ZNF80: variants seen among roughly 807,000 people sequenced by gnomAD.
ZNF80 encodes the protein ZNFPT17.
For missense variants in ZNF80, 394 were observed against 334.1 expected, an observed-to-expected ratio of 1.18 and a Z score of -1.40; for synonymous variants, 132 against 119.4, an observed-to-expected ratio of 1.11 and a Z score of -0.69.
chr3:114,236,730 G>A lies in ZNF80; in HGVS notation c.345C>T (p.Asn115=), dbSNP rs777695922. ...CKCVECGKVF[N]RRSHLLCYRQ... ...GGTAGCACAGGAGGTGCGACCTGCG[G>A]TTGAAGACCTTCCCGCACTCCACGC... The change falls in exon 1 of 1, where the codon AAC becomes AAT. Residue 115 remains asparagine (N), a synonymous_variant. Transcript: ENST00000482457. 5 of 1,614,202 alleles carry A rather than the reference G, an allele frequency of 3.1e-6. No homozygotes were observed. In the East Asian group the frequency reaches 6.7e-5, roughly 22 times the overall value.
Position 114,235,162 on chromosome 3 carries a change from T to C in ZNF80, c.*1091A>G, listed in dbSNP as rs1258108882. Reference sequence around the variant, plus strand: ...TTTCTGAGTTTCTCATTAGATTAGATAAGCTGTGTTTTGTTTTGTTTGTCT... The same window carrying C: ...TTTCTGAGTTTCTCATTAGATTAGACAAGCTGTGTTTTGTTTTGTTTGTCT... On this transcript the variant is annotated 3_prime_UTR_variant, in exon 1 of 1. Coordinates refer to ENST00000482457, the MANE Select transcript of ZNF80 (RefSeq NM_007136.4). 6.6e-6 allele frequency: 1 copy of C among 152,252 alleles called. No individual in the cohort carries two copies. Among genetic ancestry groups the C allele is most frequent in the African/African-American group, 2.4e-5 (1 of 41,466 alleles). 9.4% of individuals were successfully genotyped at this position (152,252 alleles called of 1,614,324 possible).
In ZNF80 at chr3:114,236,628, G is replaced by T. The variant is rs2078203852; in HGVS notation, c.447C>A (p.Ile149=). The T allele has an allele frequency of 6.2e-7, 1 of 1,614,052 alleles. No homozygotes were observed. The highest frequency in any genetic ancestry group is 1.3e-5 in the African/African-American group (1 of 74,936). The change falls in exon 1 of 1, where the codon ATC becomes ATA. Residue 149 remains isoleucine (I), a synonymous_variant. Transcript: ENST00000482457. ...CTCCAGTGTGGGTCACACGATGCTG[G>T]ATGAAGACAGAGTGATAGCTGAAGG... ...GKTFSYHSVF[I]QHRVTHTGEK...
chr3:114,236,907 G>A lies in ZNF80; in HGVS notation c.168C>T (p.Ser56=). ...GKTYKCKECG[S]VFNKNSLLVR... ...CAAGGAGGCTGTTTTTGTTAAACAC[G>A]CTCCCACATTCCTTGCATTTGTAGG... Residue 56 remains serine (S), a synonymous_variant, in exon 1 of 1, where the codon AGC becomes AGT. Coordinates refer to ENST00000482457, the MANE Select transcript of ZNF80 (RefSeq NM_007136.4). 6.2e-7 allele frequency: 1 copy of A among 1,614,148 alleles called. No individual in the cohort carries two copies. The highest frequency in any genetic ancestry group is 8.5e-7 in the Non-Finnish European group (1 of 1,180,018).
rs143414946 is a variant in ZNF80, at chr3:114,236,776, G to C, written c.299C>G (p.Thr100Arg). Residue 100 changes from threonine (T) to arginine (R), a missense_variant, in exon 1 of 1, where the codon ACA becomes AGA. Transcript: ENST00000482457. Reference sequence around the variant, plus strand: ...CACGCACTTACAGGGCTTCTCCCCTGTGTGAATCCTCATGGGTCGAACGAA... The same window carrying C: ...CACGCACTTACAGGGCTTCTCCCCTCTGTGAATCCTCATGGGTCGAACGAA... ...VDFVRPMRIH[T>R]GEKPCKCVEC... The C allele has an allele frequency of 6.2e-7, 1 of 1,614,132 alleles. No homozygotes were observed. The highest frequency in any genetic ancestry group is 1.7e-5 in the Admixed American group (1 of 60,014).
rs1003627284 is a variant in ZNF80 at position 114,235,613 on chromosome 3, A to C, written c.*640T>G. 6.6e-6 allele frequency: 1 copy of C among 152,284 alleles called. No individual in the cohort carries two copies. Among genetic ancestry groups the C allele is most frequent in the African/African-American group, 2.4e-5 (1 of 41,482 alleles). The allele number at this position is 152,284 out of a possible 1,614,324, so 9.4% of individuals were successfully genotyped here. On this transcript the variant is annotated 3_prime_UTR_variant, in exon 1 of 1. Coordinates refer to ENST00000482457, the MANE Select transcript of ZNF80 (RefSeq NM_007136.4). The stretch of plus-strand genomic sequence containing the variant: ...TCAGGAGTACAATGTTTTAGAACAA[A>C]GAATGCATTCAATAAATCTTTACAG...
In ZNF80 at chr3:114,237,038, C is replaced by T. The variant is rs1560017516; in HGVS notation, c.37G>A (p.Gly13Ser). ...TCCTGTAAAACCTGTGAGTGCAGACCATCACCTGTCCCCAACCCATCGCGT... is the reference window on the plus strand; with the variant it reads ...TCCTGTAAAACCTGTGAGTGCAGACTATCACCTGTCCCCAACCCATCGCGT... ...PKRDGLGTGD[G>S]LHSQVLQEQV... Residue 13 changes from glycine to serine, a missense_variant, in exon 1 of 1, where the codon GGT becomes AGT. Physicochemically the swap from Gly to Ser is moderately conservative, Grantham distance 56. Coordinates refer to ENST00000482457, the MANE Select transcript of ZNF80 (RefSeq NM_007136.4). 6.2e-7 allele frequency: 1 copy of T among 1,610,464 alleles called. No homozygotes were observed.
Position 114,236,731 on chromosome 3 carries a change from T to C in ZNF80, c.344A>G (p.Asn115Ser). ...GTAGCACAGGAGGTGCGACCTGCGG[T>C]TGAAGACCTTCCCGCACTCCACGCA... ...CKCVECGKVF[N>S]RRSHLLCYRQ... The change falls in exon 1 of 1, where the codon AAC (asparagine) becomes AGC (serine). Residue 115 changes from asparagine (N) to serine (S), a missense_variant. Transcript: ENST00000482457. 1 of 1,613,212 alleles carries C rather than the reference T, an allele frequency of 6.2e-7. No homozygotes were observed. Among genetic ancestry groups the C allele is most frequent in the Admixed American group, 1.7e-5 (1 of 59,954 alleles).
At position 114,235,088 on chromosome 3, in the gene ZNF80, G is replaced by C. The variant is rs2078195692; in HGVS notation, c.*1165C>G. 1 of 152,124 alleles carries C rather than the reference G, an allele frequency of 6.6e-6. No homozygotes were observed. The highest frequency in any genetic ancestry group is 2.4e-5 in the African/African-American group (1 of 41,408). 9.4% of individuals were successfully genotyped at this position (152,124 alleles called of 1,614,324 possible). ...TCTAGAATTGAATTAACATGTCAAA[G>C]GATCTACATGTTTTATATTTTAATA... On this transcript the variant is annotated 3_prime_UTR_variant, in exon 1 of 1. Coordinates refer to ENST00000482457, the MANE Select transcript of ZNF80 (RefSeq NM_007136.4).
rs200692814 is a variant in ZNF80 at position 114,235,843 on chromosome 3, T to TA, written c.*409dup. The TA allele has an allele frequency of 0.013, 1,926 of 149,888 alleles. 29 individuals carry two copies. The highest frequency in any genetic ancestry group is 0.039 in the African/African-American group (1,587 of 40,410). The allele number at this position is 149,888 out of a possible 1,614,324, so 9.3% of individuals were successfully genotyped here. ...TCTCTTTTACAGTTCCCTTCTTACT[T>TA]AAAAAAAAAAAATCCTGAAGTGGCT... is the stretch of plus-strand genomic sequence containing the variant. On this transcript the variant is annotated 3_prime_UTR_variant, in exon 1 of 1. Transcript: ENST00000482457.
At position 114,236,174 on chromosome 3, in the gene ZNF80, T is replaced by G; in HGVS notation, c.*79A>C. The G allele has an allele frequency of 9.5e-7, 1 of 1,052,244 alleles. No homozygotes were observed. Among genetic ancestry groups the G allele is most frequent in the Non-Finnish European group, 1.4e-6 (1 of 725,452 alleles). 65.2% of individuals were successfully genotyped at this position (1,052,244 alleles called of 1,614,324 possible). On this transcript the variant is annotated 3_prime_UTR_variant, in exon 1 of 1. Coordinates refer to ENST00000482457, the MANE Select transcript of ZNF80 (RefSeq NM_007136.4). ...TTTCCTACTGCCACTGAATTCAGAG[T>G]GCTTCTCCTCAGTGTGGCTCTCTAT...
Position 114,236,652 on chromosome 3 carries a change from G to T in ZNF80, c.423C>A (p.Thr141=), listed in dbSNP as rs1221700215. The T allele has an allele frequency of 6.2e-7, 1 of 1,614,032 alleles. No individual in the cohort carries two copies. Among genetic ancestry groups the T allele is most frequent in the Admixed American group, 1.7e-5 (1 of 60,002 alleles). The change falls in exon 1 of 1, where the codon ACC becomes ACA. Residue 141 remains threonine (T), a synonymous_variant. Transcript: ENST00000482457. ...KPYECSECGK[T]FSYHSVFIQH... is the part of the protein sequence containing the mutation. ...GGATGAAGACAGAGTGATAGCTGAA[G>T]GTCTTTCCACACTCGCTGCACTCAT...
In ZNF80 at chr3:114,235,581, ACATTCC is replaced by A. The variant is rs2078197882; in HGVS notation, c.*666_*671del. 6.6e-6 allele frequency: 1 copy of A among 152,248 alleles called. No homozygotes were observed. The highest frequency in any genetic ancestry group is 2.1e-4 in the South Asian group (1 of 4,830). The allele number at this position is 152,248 out of a possible 1,614,324, so 9.4% of individuals were successfully genotyped here. ...GCGTTCATATTTCTCACAAAGACTT[ACATTCC>A]TCAGGAGTACAATGTTTTAGAACAA... On this transcript the variant is annotated 3_prime_UTR_variant, in exon 1 of 1. Coordinates refer to ENST00000482457, the MANE Select transcript of ZNF80 (RefSeq NM_007136.4).
Position 114,235,241 on chromosome 3 carries a change from C to T in ZNF80, c.*1012G>A, listed in dbSNP as rs2078196465. ...GTGACATGCTCTTGGAGAAGCCCCT[C>T]TTACAGAAGGCCAAAGAAGCTGAGA... On this transcript the variant is annotated 3_prime_UTR_variant, in exon 1 of 1. Coordinates refer to ENST00000482457, the MANE Select transcript of ZNF80 (RefSeq NM_007136.4). 1 of 152,184 alleles carries T rather than the reference C, an allele frequency of 6.6e-6. No individual in the cohort carries two copies. The highest frequency in any genetic ancestry group is 6.5e-5 in the Admixed American group (1 of 15,280). The allele number at this position is 152,184 out of a possible 1,614,324, so 9.4% of individuals were successfully genotyped here. A position where few individuals can be genotyped will look rare whatever the true frequency, so the allele number is the denominator to read the frequency against.
exon 1 of ZNF80, chr3:114,236,279 T>TCTTA: frequency 6.2e-7 from 1 of 1,605,698 alleles, no homozygotes; most frequent in Non-Finnish European, 8.5e-7. Flanking sequence ...CCAGAGTGGA[T>TCTTA]CTTACTCTGT....
rs562682553 is a variant in ZNF80, at chr3:114,235,445, A to T, written c.*808T>A. 68 of 152,380 alleles carry T rather than the reference A, an allele frequency of 4.5e-4. No homozygotes were observed. Among genetic ancestry groups the T allele is most frequent in the African/African-American group, 1.6e-3 (67 of 41,594 alleles). The allele number at this position is 152,380 out of a possible 1,614,324, so 9.4% of individuals were successfully genotyped here. Reference sequence around the variant, plus strand: ...CTTAAGTAGTCTTAAATGATGTAGCAAAATATGCCCATTCAATGTGGTTAC... The same window carrying T: ...CTTAAGTAGTCTTAAATGATGTAGCTAAATATGCCCATTCAATGTGGTTAC... On this transcript the variant is annotated 3_prime_UTR_variant, in exon 1 of 1. Coordinates refer to ENST00000482457, the MANE Select transcript of ZNF80 (RefSeq NM_007136.4).
In ZNF80 at chr3:114,236,688, T is replaced by C. The variant is rs775794096; in HGVS notation, c.387A>G (p.Gly129=). ...ACTCGCTGCACTCATAGGGCTTCTC[T>C]CCAGTGTGAATCTGGCGGTAGCACA... ...HLLCYRQIHT[G]EKPYECSECG... The change falls in exon 1 of 1, where the codon GGA becomes GGG. Residue 129 remains glycine, a synonymous_variant. Coordinates refer to ENST00000482457, the MANE Select transcript of ZNF80 (RefSeq NM_007136.4). 6.2e-7 allele frequency: 1 copy of C among 1,614,212 alleles called. No homozygotes were observed. Among genetic ancestry groups the C allele is most frequent in the South Asian group, 1.1e-5 (1 of 91,086 alleles).
At chr3:114,236,534 T>A (rs757635745) in exon 1 of ZNF80, 7 of 1,613,932 alleles carry the variant, frequency 4.3e-6, no homozygotes, top group Non-Finnish European at 5.9e-6. Flanking sequence ...GTGTGAATCT[T>A]CATGTGCCGG....
rs916528251 is a variant in ZNF80 at position 114,236,645 on chromosome 3, A to T, written c.430T>A (p.Tyr144Asn). The T allele has an allele frequency of 2.5e-6, 4 of 1,614,058 alleles. No homozygotes were observed. The African/African-American group carries it at 4.0e-5, about 16-fold the overall frequency. ...CGATGCTGGATGAAGACAGAGTGATAGCTGAAGGTCTTTCCACACTCGCTG... is the reference window on the plus strand; with the variant it reads ...CGATGCTGGATGAAGACAGAGTGATTGCTGAAGGTCTTTCCACACTCGCTG... ...ECSECGKTFS[Y>N]HSVFIQHRVT... The change falls in exon 1 of 1, where the codon TAT becomes AAT. Residue 144 changes from tyrosine (Y) to asparagine (N), a missense_variant. Coordinates refer to ENST00000482457, the MANE Select transcript of ZNF80 (RefSeq NM_007136.4).
In ZNF80 at chr3:114,236,098, C is replaced by T; in HGVS notation, c.*155G>A. The T allele has an allele frequency of 5.0e-6, 3 of 594,260 alleles. No homozygotes were observed. In the South Asian group the frequency reaches 7.8e-5, roughly 15 times the overall value. The allele number at this position is 594,260 out of a possible 1,614,324, so 36.8% of individuals were successfully genotyped here. On this transcript the variant is annotated 3_prime_UTR_variant, in exon 1 of 1. Coordinates refer to ENST00000482457, the MANE Select transcript of ZNF80 (RefSeq NM_007136.4). ...TTCCCACATATCTCATAGAGTTTATCTCTGGAAGGAATTCTTCAATGCCAA... is the reference window on the plus strand; with the variant it reads ...TTCCCACATATCTCATAGAGTTTATTTCTGGAAGGAATTCTTCAATGCCAA...
Sources: allele counts gnomAD v4.1 joint callset, GRCh38; gene constraint gnomAD v4.1.1; transcripts MANE v1.5; gene names NCBI Gene and HGNC (gene_info 2026-07-23, HGNC 2026-07-21).